The following NPM2 variants were observed in gnomAD, a reference collection of about 807,000 sequenced individuals.
The protein encoded by NPM2 is nucleophosmin/nucleoplasmin 2.
In NPM2, 25 loss-of-function variants were observed where a neutral mutation model predicts 32.0. That is an observed-to-expected ratio of 0.78 (90% CI 0.57 to 1.09). The LOEUF is 1.09. Among genes scored for constraint, NPM2 ranks in the 50% least tolerant of loss-of-function variants. The pLI is 0.00. For synonymous variants in NPM2, 111 were observed against 94.2 expected, an observed-to-expected ratio of 1.18 and a Z score of -1.04; for missense variants, 282 against 259.9, an observed-to-expected ratio of 1.08 and a Z score of -0.58.
At chr8:22,034,051 G>A (rs1800530540) in intron 6 of NPM2, 58 bp from the exon 7 acceptor site, 3 of 1,535,562 alleles carry the variant, frequency 2.0e-6, no homozygotes, top group Admixed American at 2.0e-5. Context: ...ATGGGAGGTG[G>A]GCATTGATTC....
At position 22,034,279 on chromosome 8, in the gene NPM2, G is replaced by C. The variant is rs765785455; in HGVS notation, c.531+4G>C. ...GAAGCAGGCGAGCGTGGCTAAGGTGGGGGAAGGAGCGTGGCTGTTTGGAAG... is the reference window on the plus strand; with the variant it reads ...GAAGCAGGCGAGCGTGGCTAAGGTGCGGGAAGGAGCGTGGCTGTTTGGAAG... On this transcript the variant is annotated splice_donor_region_variant and intron_variant, in intron 7 of 9. Transcript: ENST00000518119. The C allele has an allele frequency of 5.1e-6, 8 of 1,581,648 alleles. No individual in the cohort carries two copies. The highest frequency in any genetic ancestry group is 1.3e-5 in the African/African-American group (1 of 74,214).
rs982431574 is a variant in NPM2 at position 22,034,135 on chromosome 8, G to C, written c.391G>C (p.Glu131Gln). 1 of 1,607,748 alleles carries C rather than the reference G, an allele frequency of 6.2e-7. No individual in the cohort carries two copies. Among genetic ancestry groups the C allele is most frequent in the Admixed American group, 1.7e-5 (1 of 59,658 alleles). The change falls in exon 7 of 10, where the codon GAG becomes CAG. Residue 131 changes from glutamate to glutamine, a missense_variant. Glu to Gln is a conservative substitution (Grantham distance 29). Coordinates refer to ENST00000518119, the MANE Select transcript of NPM2 (RefSeq NM_001286680.2). ...AGCATCAGACCTAACCTGGGAGGAGGAGGAGGAAGAAGAAGGGGAGGAGGA... is the reference window on the plus strand; with the variant it reads ...AGCATCAGACCTAACCTGGGAGGAGCAGGAGGAAGAAGAAGGGGAGGAGGA... ...YEASDLTWEEEEEEEGEEEEE... is the reference protein window; with the variant it reads ...YEASDLTWEEQEEEEGEEEEE...
intron 5 of NPM2, 99 bp downstream of exon 5, chr8:22,025,871 G>T: frequency 6.4e-7 from 1 of 1,550,720 alleles, no homozygotes; most frequent in South Asian, 1.2e-5. Flanking sequence ...CTACAGAAAT[G>T]AGCCATGCTA....
intron 5 of NPM2, among the ~76,000 whole-genome samples, chr8:22,031,149 A>G (rs1406119585): frequency 6.6e-6 from 1 of 152,218 alleles, no homozygotes; most frequent in East Asian, 1.9e-4. Flanking sequence ...TTCAGACCCC[A>G]TAAGTGAGAG....
intron 5 of NPM2, among the ~76,000 whole-genome samples, chr8:22,029,531 T>C (rs1800366461): frequency 6.6e-6 from 1 of 152,254 alleles, no homozygotes; most frequent in Admixed American, 6.5e-5. Flanking sequence ...TTACTAGTAC[T>C]ATTGTATTTT....
At chr8:22,033,718 T>C (rs969606062) in intron 6 of NPM2, among the ~76,000 whole-genome samples, 8 of 152,184 alleles carry the variant, frequency 5.3e-5, no homozygotes, top group African/African-American at 1.9e-4. Context: ...TCTCTTAGGA[T>C]AAGGTTTCAA....
chr8:22,025,400 T>C, intron 3 of NPM2, 36 bp from the exon 4 acceptor site: 1 of 1,607,398 alleles, frequency 6.2e-7, no homozygotes, highest in African/African-American at 1.3e-5. Flanking sequence ...TGGGAACGAA[T>C]GGAGGGCCCC....
intron 5 of NPM2, among the ~76,000 whole-genome samples, chr8:22,032,718 G>C (rs1345994210): frequency 6.6e-6 from 1 of 152,126 alleles, no homozygotes; most frequent in Non-Finnish European, 1.5e-5. Flanking sequence ...GAGAGAAAGA[G>C]AGTGAGTTCT....
In NPM2 at chr8:22,025,680, C is replaced by T; in HGVS notation, c.178C>T (p.His60Tyr). The T allele has an allele frequency of 4.3e-6, 7 of 1,614,158 alleles. No homozygotes were observed. Among genetic ancestry groups the T allele is most frequent in the Non-Finnish European group, 5.9e-6 (7 of 1,180,020 alleles). ...CLGEKAKEEM[H>Y]RVEILPPANQ... ...GGGGGAGAAAGCCAAAGAGGAGATG[C>T]ATCGCGTGGAGATCCTGCCCCCAGC... Residue 60 changes from histidine to tyrosine, a missense_variant, in exon 5 of 10, where the codon CAT becomes TAT. His to Tyr is a moderately conservative substitution (Grantham distance 83). Transcript: ENST00000518119.
At chr8:22,034,317 CT>C in intron 7 of NPM2, 42 bp downstream of exon 7, 1 of 1,542,752 alleles carries the variant, frequency 6.5e-7, no homozygotes, top group Admixed American at 1.9e-5. Context: ...AGTGGTACCC[CT>C]ACAGAAGCAC....
chr8:22,028,964 A>C (rs117937459), intron 5 of NPM2, among the ~76,000 whole-genome samples: 3 of 151,790 alleles, frequency 2.0e-5, no homozygotes. Flanking sequence ...CCTATATTTT[A>C]TTAGATTAAT....
rs1445594495 is a variant in NPM2, at chr8:22,036,658, C to T, written c.621C>T (p.Ala207=). The T allele has an allele frequency of 1.9e-6, 3 of 1,549,168 alleles. No homozygotes were observed. In the East Asian group the frequency reaches 7.3e-5, roughly 38 times the overall value. Residue 207 remains alanine, a synonymous_variant, in exon 10 of 10, where the codon GCC becomes GCT. Coordinates refer to ENST00000518119, the MANE Select transcript of NPM2 (RefSeq NM_001286680.2). The part of the protein sequence containing the change: ...PVKKAKATAR[A]KKPGFKK The stretch of plus-strand genomic sequence containing the variant: ...CACAGGCCAAAGCCACAGCCAGAGC[C>T]AAGAAGCCAGGATTCAAGAAATGAG...
At chr8:22,030,898 G>C (rs1042265723) in intron 5 of NPM2, among the ~76,000 whole-genome samples, 3 of 152,154 alleles carry the variant, frequency 2.0e-5, no homozygotes, top group Admixed American at 6.5e-5. Flanking sequence ...GGGCTAGTCT[G>C]CAGTCACTTG....
chr8:22,033,325 G>A (rs1585519664), intron 6 of NPM2, 102 bp downstream of exon 6: 2 of 962,026 alleles, frequency 2.1e-6, no homozygotes, highest in East Asian at 2.5e-5. Context: ...TTGAATGTTG[G>A]AAGAAAATCC....
At chr8:22,033,010 G>T in intron 5 of NPM2, 120 bp from the exon 6 acceptor site, 1 of 723,536 alleles carries the variant, frequency 1.4e-6, no homozygotes. Flanking sequence ...CACCTCAGCA[G>T]GGGCTGAGTA....
In NPM2 at chr8:22,030,864, G is replaced by C. The variant is rs115821283; in HGVS notation, c.271-2266G>C. On this transcript the variant is annotated intron_variant, in intron 5 of 9. Coordinates refer to ENST00000518119, the MANE Select transcript of NPM2 (RefSeq NM_001286680.2). Reference sequence around the variant, plus strand: ...CCCAGCTTTATCTGATATTTTTTTAGATCAGTGTTCTAAGTTCTTGGTCGG... The same window carrying C: ...CCCAGCTTTATCTGATATTTTTTTACATCAGTGTTCTAAGTTCTTGGTCGG... 3.8e-3 allele frequency among the ~76,000 whole-genome samples: 573 copies of C among 152,176 alleles called. 3 individuals are homozygous for C. Among genetic ancestry groups the C allele is most frequent in the African/African-American group, 0.013 (558 of 41,502 alleles).
Position 22,033,159 on chromosome 8 carries a change from C to A in NPM2, c.300C>A (p.Pro100=). ...CCATGGTAGGAGTGCAGCTTTCTCC[C>A]CCAGTTACTTTCCAGCTCCGGGCTG... The part of the protein sequence containing the change: ...MVSMVGVQLS[P]PVTFQLRAGS... The change falls in exon 6 of 10, where the codon CCC becomes CCA. Residue 100 remains proline, a synonymous_variant. Coordinates refer to ENST00000518119, the MANE Select transcript of NPM2 (RefSeq NM_001286680.2). The A allele has an allele frequency of 6.2e-7, 1 of 1,614,126 alleles. No homozygotes were observed. The highest frequency in any genetic ancestry group is 8.5e-7 in the Non-Finnish European group (1 of 1,180,022).
chr8:22,025,117 C>A, intron 2 of NPM2, 99 bp from the exon 3 acceptor site: 2 of 987,328 alleles, frequency 2.0e-6, no homozygotes, highest in Non-Finnish European at 2.9e-6. Flanking sequence ...CAGCCGCGAG[C>A]GACCCCTCAG....
chr8:22,025,597 C>G (rs781509445), intron 4 of NPM2, 50 bp from the exon 5 acceptor site: 1 of 1,613,844 alleles, frequency 6.2e-7, no homozygotes, highest in Non-Finnish European at 8.5e-7. Context: ...ATGGATTTCT[C>G]CCGTCGGCCC....
Sources: gnomAD v4.1 joint callset for allele counts (sites outside exome capture counted in the v4.1 genomes callset) on GRCh38, gnomAD v4.1.1 for gene constraint, MANE v1.5 for transcripts, NCBI Gene and HGNC (gene_info 2026-07-23, HGNC 2026-07-21) for gene names.